The following ERCC6L variants were observed in gnomAD, a reference collection of about 807,000 sequenced individuals.
ERCC6L encodes the protein ERCC excision repair 6 like, spindle assembly checkpoint helicase, also known as DNA excision repair protein ERCC-6-like.
Under a neutral mutation model 20.1 loss-of-function variants are expected in ERCC6L, and 7 were observed. That is an observed-to-expected ratio of 0.35 (90% CI 0.20 to 0.65). The LOEUF is 0.65. Among genes scored for constraint, ERCC6L ranks in the 30% least tolerant of loss-of-function variants. The pLI is 0.69. For missense variants in ERCC6L, 592 were observed against 892.4 expected, an observed-to-expected ratio of 0.66 and a Z score of 4.29; for synonymous variants, 278 against 331.3, an observed-to-expected ratio of 0.84 and a Z score of 1.75.
At position 72,205,624 on chromosome X, in the gene ERCC6L, GTGT is replaced by G. The variant is rs1217681853; in HGVS notation, c.3140_3142del (p.Asn1047del). ...CACAGATGAGAATTGAAAGAGAGAT[GTGT>G]TGAATGGATTTATGCTTGAGGTATC... On this transcript the variant is annotated inframe_deletion, in exon 2 of 2. Transcript: ENST00000334463. 4.1e-6 allele frequency: 5 copies of G among 1,211,687 alleles called. No homozygotes were observed. Among genetic ancestry groups the G allele is most frequent in the Non-Finnish European group, 4.5e-6 (4 of 895,250 alleles).
chrX:72,234,829 G>A (rs2043006875), intron 1 of ERCC6L, among the ~76,000 whole-genome samples: 1 of 111,508 alleles, frequency 9.0e-6, no homozygotes, highest in Admixed American at 9.6e-5. Context: ...AGTGAAATTG[G>A]AAGCAAGAGA....
intron 1 of ERCC6L, among the ~76,000 whole-genome samples, chrX:72,210,664 G>C (rs2042849158): frequency 9.0e-6 from 1 of 110,890 alleles, no homozygotes; most frequent in Non-Finnish European, 1.9e-5. Context: ...AATCACACAC[G>C]CCAGCCTTTT....
intron 1 of ERCC6L, among the ~76,000 whole-genome samples, chrX:72,233,370 G>A (rs1489292363): frequency 1.8e-5 from 2 of 111,778 alleles, no homozygotes; most frequent in African/African-American, 6.5e-5. Flanking sequence ...TAGATTAGAA[G>A]TTCAAGAAAC....
chrX:72,220,980 G>T (rs1364415130), intron 1 of ERCC6L, among the ~76,000 whole-genome samples: 2 of 111,752 alleles, frequency 1.8e-5, no homozygotes, highest in East Asian at 5.6e-4. Context: ...TTAATTCCTG[G>T]ATCCTGAGGG....
Position 72,206,681 on chromosome X carries a change from A to C in ERCC6L, c.2086T>G (p.Tyr696Asp). The C allele has an allele frequency of 8.3e-7, 1 of 1,211,415 alleles. No individual in the cohort carries two copies. Among genetic ancestry groups the C allele is most frequent in the Non-Finnish European group, 1.1e-6 (1 of 895,187 alleles). Residue 696 changes from tyrosine (Y) to aspartate (D), a missense_variant, in exon 2 of 2, where the codon TAT becomes GAT. By Grantham distance (160) the Tyr-to-Asp change is radical (BLOSUM62 -3). Around this residue, in one of 3 missense-constraint regions of ERCC6L, gnomAD observed 352 missense variants for 402.6 expected, o/e 0.87. Transcript: ENST00000334463. ...EELDVVEESHYIQQRVQKAQF... is the reference protein window; with the variant it reads ...EELDVVEESHDIQQRVQKAQF... ...GCTTTCTGAACCCTTTGTTGAATAT[A>C]GTGAGATTCTTCTACCACATCAAGC...
chrX:72,226,130 C>G (rs991546436), intron 1 of ERCC6L, among the ~76,000 whole-genome samples: 1 of 111,854 alleles, frequency 8.9e-6, no homozygotes, highest in Non-Finnish European at 1.9e-5. Context: ...GATGCTCCCC[C>G]CTTAATCCTG....
chrX:72,205,452 G>A lies in ERCC6L; in HGVS notation c.3315C>T (p.Asp1105=). 1 of 1,211,517 alleles carries A rather than the reference G, an allele frequency of 8.3e-7. No homozygotes were observed. Among genetic ancestry groups the A allele is most frequent in the Non-Finnish European group, 1.1e-6 (1 of 895,473 alleles). ...SRRSLINMVL[D]HVEDMEERLD... is the part of the protein sequence containing the mutation. ...GTCTTTCCTCCATGTCCTCCACGTG[G>A]TCTAAAACCATATTAATAAGAGACC... Residue 1105 remains aspartate (D), a synonymous_variant, in exon 2 of 2, where the codon GAC becomes GAT. Transcript: ENST00000334463.
chrX:72,209,674 A>G lies in ERCC6L; in HGVS notation c.69-976T>C, dbSNP rs765713796. On this transcript the variant is annotated intron_variant, in intron 1 of 1. Coordinates refer to ENST00000334463, the MANE Select transcript of ERCC6L (RefSeq NM_017669.4). ...CATCATCTCTGGCCTGGATAACTGCAGCTTCCTACATAAACTGCTCTCCCT... is the reference window on the plus strand; with the variant it reads ...CATCATCTCTGGCCTGGATAACTGCGGCTTCCTACATAAACTGCTCTCCCT... Among the ~76,000 whole-genome samples, 3 of 111,573 alleles carry G rather than the reference A, an allele frequency of 2.7e-5. No homozygotes were observed. The East Asian group carries it at 8.5e-4, about 32-fold the overall frequency.
At chrX:72,216,426 T>G (rs1012934298) in intron 1 of ERCC6L, among the ~76,000 whole-genome samples, 1 of 112,067 alleles carries the variant, frequency 8.9e-6, no homozygotes, top group Non-Finnish European at 1.9e-5. Context: ...TTTAAAAAAA[T>G]GTGGTAAAAT....
At chrX:72,226,073 G>A (rs1311947488) in intron 1 of ERCC6L, among the ~76,000 whole-genome samples, 1 of 111,359 alleles carries the variant, frequency 9.0e-6, no homozygotes, top group African/African-American at 3.3e-5. Context: ...CCTCCTGCAT[G>A]CAGGCCTTAC....
rs1249879328 is a variant in ERCC6L, at chrX:72,206,056, T to G, written c.2711A>C (p.Glu904Ala). 16 of 1,211,354 alleles carry G rather than the reference T, an allele frequency of 1.3e-5. No individual in the cohort carries two copies. The highest frequency in any genetic ancestry group is 1.8e-5 in the Non-Finnish European group (16 of 895,128). ...TACATTTGATTCTGCATTTTGACTT[T>G]CATTTGTTATGGAAATAATGGGCCA... ...NPWPIISITN[E>A]SQNAESNVSI... The change falls in exon 2 of 2, where the codon GAA becomes GCA. Residue 904 changes from glutamate (E) to alanine (A), a missense_variant. Physicochemically the swap from Glu to Ala is moderately radical, Grantham distance 107. Transcript: ENST00000334463.
At position 72,206,906 on chromosome X, in the gene ERCC6L, T is replaced by C. The variant is rs760354023; in HGVS notation, c.1861A>G (p.Lys621Glu). The C allele has an allele frequency of 8.3e-7, 1 of 1,211,591 alleles. No individual in the cohort carries two copies. Among genetic ancestry groups the C allele is most frequent in the East Asian group, 3.0e-5 (1 of 33,859 alleles). Residue 621 changes from lysine (K) to glutamate (E), a missense_variant, in exon 2 of 2, where the codon AAA becomes GAA. Lys to Glu is a moderately conservative substitution (Grantham distance 56). Around this residue, in one of 3 missense-constraint regions of ERCC6L, gnomAD observed 196 missense variants for 440.1 expected, o/e 0.45. Coordinates refer to ENST00000334463, the MANE Select transcript of ERCC6L (RefSeq NM_017669.4). ...GTAAAGAGCTCTCTTAATTCTTGTT[T>C]ACTAAAATATCGGAAAGGGTTCTTT... ...EKKNPFRYFS[K>E]QELRELFTIE... is the part of the protein sequence containing the mutation.
chrX:72,232,416 CAA>C (rs11302655), intron 1 of ERCC6L, among the ~76,000 whole-genome samples: 749 of 35,063 alleles, frequency 0.021, 14 homozygotes, highest in African/African-American at 0.077. Flanking sequence ...AGACCTGCCT[CAA>C]AAAAAAAAAA....
intron 1 of ERCC6L, among the ~76,000 whole-genome samples, chrX:72,235,727 G>A (rs1174372567): frequency 1.9e-4 from 21 of 111,435 alleles, no homozygotes; most frequent in Non-Finnish European, 4.0e-4. Flanking sequence ...TGATTACACT[G>A]GGCTCACCCA....
intron 1 of ERCC6L, among the ~76,000 whole-genome samples, chrX:72,231,578 G>A (rs183764253): frequency 1.8e-5 from 2 of 109,328 alleles, no homozygotes; most frequent in African/African-American, 6.7e-5. Context: ...TTGAGACAGG[G>A]TCTCCCTCTG....
intron 1 of ERCC6L, among the ~76,000 whole-genome samples, chrX:72,214,977 A>G (rs1441192708): frequency 3.6e-5 from 4 of 111,473 alleles, no homozygotes; most frequent in Admixed American, 2.9e-4. Flanking sequence ...AAAAAGCAAG[A>G]CTCTGACTCA....
Position 72,206,273 on chromosome X carries a change from T to C in ERCC6L, c.2494A>G (p.Met832Val). 1.7e-6 allele frequency: 2 copies of C among 1,208,281 alleles called. No homozygotes were observed. Among genetic ancestry groups the C allele is most frequent in the South Asian group, 1.8e-5 (1 of 56,047 alleles). The change falls in exon 2 of 2, where the codon ATG becomes GTG. Residue 832 changes from methionine (M) to valine (V), a missense_variant. Physicochemically the swap from Met to Val is conservative, Grantham distance 21 (BLOSUM62 1). Transcript: ENST00000334463. ...TTTTTAGTTGCAAAGCTTTTTTCCATTCCCAATGAAGAGTTAGTACAAAGT... is the reference window on the plus strand; with the variant it reads ...TTTTTAGTTGCAAAGCTTTTTTCCACTCCCAATGAAGAGTTAGTACAAAGT... ...EELCTNSSLGMEKSFATKNEA... is the reference protein window; with the variant it reads ...EELCTNSSLGVEKSFATKNEA...
At chrX:72,223,272 G>A (rs6625980) in intron 1 of ERCC6L, among the ~76,000 whole-genome samples, 6 of 100,787 alleles carry the variant, frequency 6.0e-5, no homozygotes, top group African/African-American at 1.4e-4. Flanking sequence ...CCTGGGAGGC[G>A]GAGGTTGCGG....
At chrX:72,221,037 G>A (rs190496522) in intron 1 of ERCC6L, among the ~76,000 whole-genome samples, 10 of 111,426 alleles carry the variant, frequency 9.0e-5, no homozygotes, top group South Asian at 3.8e-4. Context: ...TTTTTGGAGC[G>A]ATTTGCATGA....
Sources: gnomAD v4.1 joint callset for allele counts (sites outside exome capture counted in the v4.1 genomes callset) on GRCh38, gnomAD v4.1.1 for gene constraint, gnomAD v4.1.1 regional missense constraint, MANE v1.5 for transcripts, NCBI Gene and HGNC (gene_info 2026-07-23, HGNC 2026-07-21) for gene names.